The following CSMD3 variants were observed in gnomAD, a reference collection of about 807,000 sequenced individuals.
CSMD3 encodes CUB and Sushi multiple domains 3.
In CSMD3, 177 loss-of-function variants were observed where a neutral mutation model predicts 435.2. The observed-to-expected ratio is 0.41, with a 90% CI of 0.36 to 0.46. The LOEUF (loss-of-function observed/expected upper bound fraction) is 0.46, where lower values mean the gene tolerates loss of function less well. Among genes scored for constraint, CSMD3 ranks in the 20% least tolerant of loss-of-function variants. The pLI is 0.34. For missense variants in CSMD3, 4,265 were observed against 4,504.6 expected (o/e 0.95, Z 1.52); for synonymous variants, 1,656 against 1,520.5 (o/e 1.09, Z -2.07).
intron 23 of CSMD3, 83 bp from the exon 24 acceptor site, chr8:112,573,740 A>T (rs1267234524): frequency 2.2e-5 from 25 of 1,134,920 alleles, no homozygotes; most frequent in Non-Finnish European, 3.1e-5. Context: ...TGAAAAAGAG[A>T]AAAGTGTACT....
chr8:112,595,079 G>A (rs1279095548), intron 22 of CSMD3, among the ~76,000 whole-genome samples: 1 of 151,318 alleles, frequency 6.6e-6, no homozygotes, highest in African/African-American at 2.4e-5. Flanking sequence ...GCTACGGGAG[G>A]ACATTCAAAC....
chr8:112,647,392 C>T (rs976950325), intron 19 of CSMD3, among the ~76,000 whole-genome samples: 3 of 151,946 alleles, frequency 2.0e-5, no homozygotes, highest in African/African-American at 7.3e-5. Context: ...AGCTCCGCCC[C>T]CCGGGTTCAC....
rs532290154 is a variant in CSMD3 at position 112,612,709 on chromosome 8, C to CTTTT, written c.3715+24104_3715+24107dup. Among the ~76,000 whole-genome samples, 13 of 65,890 alleles carry CTTTT rather than the reference C, an allele frequency of 2.0e-4. 2 individuals are homozygous for CTTTT. The highest frequency in any genetic ancestry group is 6.4e-4 in the African/African-American group (11 of 17,172). 43.2% of individuals were successfully genotyped at this position (65,890 alleles called of 152,430 possible). A position where few individuals can be genotyped will look rare whatever the true frequency, so the allele number is the denominator to read the frequency against. ...TTTCTGAACTCTTTCTTTCTTTGTT[C>CTTTT]TTTTTTTTTTTTTTTTTTTTTTTTT... On this transcript the variant is annotated intron_variant, in intron 22 of 70. Transcript: ENST00000297405.
At chr8:112,712,883 G>A (rs1020359551) in intron 13 of CSMD3, among the ~76,000 whole-genome samples, 2 of 151,908 alleles carry the variant, frequency 1.3e-5, no homozygotes, top group Admixed American at 6.6e-5. Flanking sequence ...CTTCCTTCAG[G>A]ACACCCAACT....
Position 112,899,302 on chromosome 8 carries a change from C to T in CSMD3, c.1633+22325G>A, listed in dbSNP as rs1265636657. Reference sequence around the variant, plus strand: ...TGGGGCAGAAAAAAGGCATTCATGGCTCTACCCTTATAGAAATCTAAGTAT... The same window carrying T: ...TGGGGCAGAAAAAAGGCATTCATGGTTCTACCCTTATAGAAATCTAAGTAT... On this transcript the variant is annotated intron_variant, in intron 10 of 70. Coordinates refer to ENST00000297405, the MANE Select transcript of CSMD3 (RefSeq NM_198123.2). Among the ~76,000 whole-genome samples the T allele has an allele frequency of 2.0e-5, 3 of 150,556 alleles. No individual in the cohort carries two copies. The East Asian group carries it at 5.9e-4, about 30-fold the overall frequency.
At chr8:112,912,617 AC>A (rs1272471162) in intron 10 of CSMD3, among the ~76,000 whole-genome samples, 1 of 152,012 alleles carries the variant, frequency 6.6e-6, no homozygotes, top group Non-Finnish European at 1.5e-5. Flanking sequence ...TATTTAAAAA[AC>A]ATAGAGAAAA....
intron 13 of CSMD3, among the ~76,000 whole-genome samples, chr8:112,730,450 T>TA (rs2077051599): frequency 6.6e-6 from 1 of 152,276 alleles, no homozygotes; most frequent in East Asian, 1.9e-4. Context: ...ACATAGATGT[T>TA]AGAGTTTTCA....
intron 32 of CSMD3, among the ~76,000 whole-genome samples, chr8:112,424,646 CT>C (rs1812865160): frequency 6.6e-6 from 1 of 152,022 alleles, no homozygotes; most frequent in African/African-American, 2.4e-5. Flanking sequence ...ATTTTTTCTT[CT>C]TTTCATGTTC....
intron 13 of CSMD3, among the ~76,000 whole-genome samples, chr8:112,738,128 T>TG (rs1319702591): frequency 1.3e-5 from 2 of 151,634 alleles, no homozygotes; most frequent in Middle Eastern, 3.4e-3. Context: ...AGCAGAGAGG[T>TG]GGGGGGAAGA....
intron 32 of CSMD3, among the ~76,000 whole-genome samples, chr8:112,456,240 T>G (rs898595023): frequency 3.3e-5 from 5 of 152,126 alleles, no homozygotes; most frequent in African/African-American, 1.2e-4. Flanking sequence ...GTGGACCTTA[T>G]TTTTCAAACA....
At chr8:112,379,830 G>C (rs1213405668) in intron 38 of CSMD3, among the ~76,000 whole-genome samples, 1 of 152,064 alleles carries the variant, frequency 6.6e-6, no homozygotes, top group Non-Finnish European at 1.5e-5. Context: ...CAGACCAAAG[G>C]ACATCCAGAT....
intron 1 of CSMD3, among the ~76,000 whole-genome samples, chr8:113,378,762 A>AGTTGT (rs2094401533): frequency 6.7e-6 from 1 of 148,166 alleles, no homozygotes; most frequent in South Asian, 2.2e-4. Context: ...GTCACACTGA[A>AGTTGT]GTGTGTGTGT....
In CSMD3 at chr8:112,396,451, C is replaced by A. The variant is rs144530539; in HGVS notation, c.5810-5663G>T. On this transcript the variant is annotated intron_variant, in intron 35 of 70. Coordinates refer to ENST00000297405, the MANE Select transcript of CSMD3 (RefSeq NM_198123.2). ...AAATCTTTTGCTTGTGTTTTACCAA[C>A]ATACATATCTTTCCTGCAGATGTCA... Among the ~76,000 whole-genome samples the A allele has an allele frequency of 1.3e-3, 195 of 152,280 alleles. 1 individual carries two copies. Among genetic ancestry groups the A allele is most frequent in the African/African-American group, 4.6e-3 (192 of 41,568 alleles).
At chr8:113,218,132 G>T (rs935305702) in intron 3 of CSMD3, among the ~76,000 whole-genome samples, 2 of 149,338 alleles carry the variant, frequency 1.3e-5, no homozygotes, top group East Asian at 3.9e-4. Context: ...TAATATTGGG[G>T]ACGATATAAA....
At chr8:112,547,392 A>T (rs1370950825) in intron 27 of CSMD3, among the ~76,000 whole-genome samples, 1 of 152,086 alleles carries the variant, frequency 6.6e-6, no homozygotes, top group South Asian at 2.1e-4. Context: ...GTACAAAAAA[A>T]AAATAAAAAT....
At chr8:112,614,156 A>T (rs1833489251) in intron 22 of CSMD3, among the ~76,000 whole-genome samples, 1 of 152,232 alleles carries the variant, frequency 6.6e-6, no homozygotes, top group Middle Eastern at 3.4e-3. Context: ...TTGCAGGCAG[A>T]GGGAATAGCA....
At chr8:113,165,320 T>A (rs1017681545) in intron 4 of CSMD3, among the ~76,000 whole-genome samples, 8 of 152,214 alleles carry the variant, frequency 5.3e-5, no homozygotes, top group African/African-American at 1.9e-4. Flanking sequence ...TCTGTTTTAA[T>A]TTTGGGAACA....
At chr8:113,073,181 T>C (rs1434065506) in intron 5 of CSMD3, among the ~76,000 whole-genome samples, 1 of 151,836 alleles carries the variant, frequency 6.6e-6, no homozygotes, top group Non-Finnish European at 1.5e-5. Flanking sequence ...AGATTCAACA[T>C]ACTATTTCAT....
intron 13 of CSMD3, among the ~76,000 whole-genome samples, chr8:112,712,838 T>G (rs1324002740): frequency 6.6e-6 from 1 of 151,306 alleles, no homozygotes; most frequent in Non-Finnish European, 1.5e-5. Context: ...CATGACATAT[T>G]GAATGGAAAA....
Sources: gnomAD v4.1 joint callset for allele counts (sites outside exome capture counted in the v4.1 genomes callset) on GRCh38, gnomAD v4.1.1 for gene constraint, MANE v1.5 for transcripts, NCBI Gene and HGNC (gene_info 2026-07-23, HGNC 2026-07-21) for gene names.